The following PLCB4 variants were observed in gnomAD, a reference collection of about 807,000 sequenced individuals.
PLCB4 encodes the protein 1-phosphatidylinositol 4,5-bisphosphate phosphodiesterase beta-4.
PLCB4 carries 77 observed loss-of-function variants against 178.8 expected under a neutral mutation model. The observed-to-expected ratio is 0.43, with a 90% CI of 0.36 to 0.52. PLCB4 has a LOEUF of 0.52. Ranked by LOEUF, PLCB4 falls within the 20% of genes least tolerant of loss-of-function variation. PLCB4 has a pLI of 0.00. For missense variants in PLCB4, 1,024 were observed against 1,453.4 expected, an observed-to-expected ratio of 0.70 and a Z score of 4.80; for synonymous variants, 496 against 490.8, an observed-to-expected ratio of 1.01 and a Z score of -0.14.
chr20:9,309,844 A>G (rs2094810173), intron 4 of PLCB4, among the ~76,000 whole-genome samples: 1 of 152,156 alleles, frequency 6.6e-6, no homozygotes. Flanking sequence ...CACAGCTCAT[A>G]TTAGGAAATA....
intron 4 of PLCB4, among the ~76,000 whole-genome samples, chr20:9,310,360 C>T (rs369019603): frequency 6.6e-6 from 1 of 152,144 alleles, no homozygotes; most frequent in Non-Finnish European, 1.5e-5. Flanking sequence ...TGATAACTAA[C>T]GTTATCATCA....
intron 3 of PLCB4, among the ~76,000 whole-genome samples, chr20:9,254,205 A>T (rs1383893914): frequency 1.3e-5 from 2 of 152,196 alleles, no homozygotes; most frequent in Non-Finnish European, 2.9e-5. Context: ...AAATAACCGG[A>T]TTATATTAAA....
chr20:9,291,645 T>G (rs749927474), intron 3 of PLCB4, among the ~76,000 whole-genome samples: 2 of 152,166 alleles, frequency 1.3e-5, no homozygotes, highest in African/African-American at 4.8e-5. Flanking sequence ...TTTTATTAGT[T>G]CCATCTCTGT....
At chr20:9,256,172 G>A (rs1270182727) in intron 3 of PLCB4, among the ~76,000 whole-genome samples, 1 of 152,178 alleles carries the variant, frequency 6.6e-6, no homozygotes, top group Non-Finnish European at 1.5e-5. Flanking sequence ...GAACAGCAAA[G>A]CATTGGAACA....
intron 14 of PLCB4, among the ~76,000 whole-genome samples, chr20:9,385,639 C>CTGTAATCTTAGCACTTTGG (rs2037553960): frequency 7.0e-6 from 1 of 142,344 alleles, no homozygotes; most frequent in Non-Finnish European, 1.5e-5. Context: ...CGGGCAGAGG[C>CTGTAATCTTAGCACTTTGG]GCTCCTCACC....
At chr20:9,284,151 A>C (rs748119442) in intron 3 of PLCB4, among the ~76,000 whole-genome samples, 17 of 152,010 alleles carry the variant, frequency 1.1e-4, no homozygotes, top group Non-Finnish European at 2.2e-4. Flanking sequence ...AAAATCTAGG[A>C]GGTAACAAGA....
intron 7 of PLCB4, among the ~76,000 whole-genome samples, chr20:9,356,408 A>G (rs568767876): frequency 1.2e-3 from 179 of 152,358 alleles, no homozygotes; most frequent in African/African-American, 3.9e-3. Context: ...GGCACTGGCT[A>G]TATTTCATGG....
chr20:9,435,494 G>C, intron 28 of PLCB4, 66 bp from the exon 29 acceptor site: 1 of 922,412 alleles, frequency 1.1e-6, no homozygotes, highest in South Asian at 1.4e-5. Flanking sequence ...TTATTAAGCA[G>C]AGTTTTAATG....
At chr20:9,121,155 C>T (rs753048296) in intron 2 of PLCB4, among the ~76,000 whole-genome samples, 8 of 152,190 alleles carry the variant, frequency 5.3e-5, no homozygotes, top group East Asian at 1.9e-4. Context: ...GAAGGCAGTG[C>T]GCCATTGACC....
chr20:9,257,817 C>T (rs903740280), intron 3 of PLCB4, among the ~76,000 whole-genome samples: 7 of 152,100 alleles, frequency 4.6e-5, no homozygotes, highest in African/African-American at 1.7e-4. Flanking sequence ...TCAGAAGAAA[C>T]AGAAATCAGA....
intron 3 of PLCB4, among the ~76,000 whole-genome samples, chr20:9,242,354 G>C (rs2094073636): frequency 6.6e-6 from 1 of 152,182 alleles, no homozygotes; most frequent in African/African-American, 2.4e-5. Flanking sequence ...TAAAGAAGGG[G>C]ATTTGGGATA....
intron 3 of PLCB4, among the ~76,000 whole-genome samples, chr20:9,289,076 C>T (rs190100611): frequency 3.4e-4 from 51 of 152,218 alleles, no homozygotes; most frequent in Admixed American, 3.1e-3. Flanking sequence ...ATTATCCATG[C>T]AATTGTCATA....
intron 2 of PLCB4, among the ~76,000 whole-genome samples, chr20:9,216,312 G>A (rs1300129115): frequency 1.3e-5 from 2 of 152,002 alleles, no homozygotes; most frequent in Non-Finnish European, 2.9e-5. Flanking sequence ...TCGCCTCCCA[G>A]GTTCACGCCA....
chr20:9,242,335 G>T (rs534103605), intron 3 of PLCB4, among the ~76,000 whole-genome samples: 14 of 152,324 alleles, frequency 9.2e-5, no homozygotes, highest in African/African-American at 3.4e-4. Flanking sequence ...ATTATGAAGA[G>T]ATCAGCTTTA....
At chr20:9,314,941 G>A (rs139325967) in intron 4 of PLCB4, among the ~76,000 whole-genome samples, 2,873 of 151,158 alleles carry the variant, frequency 0.019, 91 homozygotes, top group African/African-American at 0.066. Context: ...GCACAATCTC[G>A]GCTCACTGCA....
chr20:9,232,587 A>G (rs772647086), intron 3 of PLCB4, among the ~76,000 whole-genome samples: 5 of 152,160 alleles, frequency 3.3e-5, no homozygotes, highest in African/African-American at 7.2e-5. Context: ...CAACAGAAGT[A>G]TGGAAACTTC....
intron 2 of PLCB4, among the ~76,000 whole-genome samples, chr20:9,171,124 G>GTT (rs112982243): frequency 1.0e-3 from 159 of 152,220 alleles, no homozygotes; most frequent in African/African-American, 3.6e-3. Flanking sequence ...CCTTGACATA[G>GTT]TTTTTTTGTG....
intron 2 of PLCB4, among the ~76,000 whole-genome samples, chr20:9,107,239 C>A (rs908216708): frequency 2.0e-5 from 3 of 152,122 alleles, no homozygotes; most frequent in African/African-American, 7.2e-5. Context: ...TGTTGTGGTA[C>A]TATTCTAGGA....
chr20:9,214,197 G>C (rs936321105), intron 2 of PLCB4, among the ~76,000 whole-genome samples: 1 of 152,098 alleles, frequency 6.6e-6, no homozygotes, highest in Non-Finnish European at 1.5e-5. Context: ...CACAAGGATG[G>C]TGCCACCCAA....
Sources: gnomAD v4.1 joint callset for allele counts (sites outside exome capture counted in the v4.1 genomes callset) on GRCh38, gnomAD v4.1.1 for gene constraint, MANE v1.5 for transcripts, NCBI Gene and HGNC (gene_info 2026-07-23, HGNC 2026-07-21) for gene names.